The following SYT1 variants were observed in gnomAD, a reference collection of about 807,000 sequenced individuals.
SYT1 encodes the protein synaptotagmin-1.
Under a neutral mutation model 44.8 loss-of-function variants are expected in SYT1, and 8 were observed. The ratio of observed to expected loss-of-function variants is 0.18; its 90% CI spans 0.10 to 0.32. SYT1 has a LOEUF of 0.32. SYT1 is among the 10% of genes least tolerant of loss of function. SYT1 has a pLI of 1.00. For missense variants in SYT1, 286 were observed against 509.3 expected, an observed-to-expected ratio of 0.56 and a Z score of 4.22; for synonymous variants, 154 against 188.8, an observed-to-expected ratio of 0.82 and a Z score of 1.51.
In SYT1 at chr12:78,931,239, G is replaced by GAAAGA. The variant is rs1216203775; in HGVS notation, c.-216-46558_-216-46557insAGAAA. 2.7e-3 allele frequency among the ~76,000 whole-genome samples: 77 copies of GAAAGA among 28,668 alleles called. 2 individuals carry two copies. Among genetic ancestry groups the GAAAGA allele is most frequent in the African/African-American group, 8.1e-3 (47 of 5,816 alleles). 18.8% of individuals were successfully genotyped at this position (28,668 alleles called of 152,430 possible). ...AGAAAGAAAGAAAGAAAGAAAGAAA[G>GAAAGA]AAGGAAGGAAGGAAGGAAGGAAGGA... is the stretch of plus-strand genomic sequence containing the variant. On this transcript the variant is annotated intron_variant, in intron 1 of 10. Coordinates refer to ENST00000261205, the MANE Select transcript of SYT1 (RefSeq NM_005639.3).
At chr12:79,152,853 C>T (rs1366670275) in intron 3 of SYT1, among the ~76,000 whole-genome samples, 1 of 144,970 alleles carries the variant, frequency 6.9e-6, no homozygotes, top group East Asian at 2.0e-4. Flanking sequence ...ACTGATGATG[C>T]TTCATAAAAA....
At chr12:79,256,951 A>G (rs966962538) in intron 4 of SYT1, among the ~76,000 whole-genome samples, 1 of 152,256 alleles carries the variant, frequency 6.6e-6, no homozygotes, top group African/African-American at 2.4e-5. Flanking sequence ...TGTTAACTTC[A>G]GCTCCATTTC....
chr12:79,302,476 C>A (rs961103173), intron 8 of SYT1, among the ~76,000 whole-genome samples: 1 of 152,014 alleles, frequency 6.6e-6, no homozygotes, highest in East Asian at 1.9e-4. Context: ...ACTATTTTAG[C>A]GACCAAATAA....
chr12:79,304,001 A>G (rs181337686), intron 8 of SYT1, among the ~76,000 whole-genome samples: 42 of 152,246 alleles, frequency 2.8e-4, no homozygotes, highest in Non-Finnish European at 2.4e-4. Flanking sequence ...ATGGATGCCA[A>G]TAAGAACCTT....
chr12:78,962,523 G>A (rs1292361578), intron 1 of SYT1, among the ~76,000 whole-genome samples: 2 of 152,024 alleles, frequency 1.3e-5, no homozygotes, highest in Admixed American at 1.3e-4. Flanking sequence ...AATTTGTAAA[G>A]AGATTGGACC....
chr12:79,082,019 A>G (rs973983829), intron 3 of SYT1, among the ~76,000 whole-genome samples: 2 of 152,178 alleles, frequency 1.3e-5, no homozygotes, highest in Non-Finnish European at 2.9e-5. Context: ...ACATACATTG[A>G]CATTAAAACT....
At chr12:79,100,560 GA>G (rs912756403) in intron 3 of SYT1, among the ~76,000 whole-genome samples, 28 of 151,620 alleles carry the variant, frequency 1.8e-4, no homozygotes, top group African/African-American at 4.6e-4. Context: ...AATATACATA[GA>G]AAAAAAAGAC....
At chr12:79,386,895 C>T (rs1884457447) in intron 9 of SYT1, among the ~76,000 whole-genome samples, 1 of 152,284 alleles carries the variant, frequency 6.6e-6, no homozygotes, top group South Asian at 2.1e-4. Flanking sequence ...CCTTATCTTT[C>T]TTGCTTTCTC....
At chr12:79,012,131 C>CAAAAA (rs374383589) in intron 2 of SYT1, among the ~76,000 whole-genome samples, 47 of 73,502 alleles carry the variant, frequency 6.4e-4, no homozygotes, top group African/African-American at 2.1e-3. Context: ...GATTCTGTCT[C>CAAAAA]AAAAAAAAAA....
At chr12:79,088,410 A>G (rs1877531374) in intron 3 of SYT1, among the ~76,000 whole-genome samples, 1 of 152,100 alleles carries the variant, frequency 6.6e-6, no homozygotes, top group African/African-American at 2.4e-5. Flanking sequence ...ATTAGTAGAG[A>G]CATGCCACGC....
intron 1 of SYT1, among the ~76,000 whole-genome samples, chr12:78,897,532 G>A (rs1217672974): frequency 6.6e-6 from 1 of 151,968 alleles, no homozygotes; most frequent in East Asian, 1.9e-4. Flanking sequence ...AGAGACATAT[G>A]TGAGACTTTA....
At chr12:79,088,733 T>A (rs1592737418) in intron 3 of SYT1, among the ~76,000 whole-genome samples, 1 of 146,040 alleles carries the variant, frequency 6.8e-6, no homozygotes, top group East Asian at 2.0e-4. Flanking sequence ...ACAGTGGCTT[T>A]GGGCCTGTGT....
chr12:79,299,349 G>A, intron 7 of SYT1, 35 bp from the exon 8 acceptor site: 24 of 1,604,728 alleles, frequency 1.5e-5, no homozygotes, highest in Non-Finnish European at 2.0e-5. Flanking sequence ...GCATTTTTGT[G>A]ACTGGATATT....
intron 9 of SYT1, among the ~76,000 whole-genome samples, chr12:79,400,658 C>T (rs935339160): frequency 3.9e-5 from 6 of 152,234 alleles, no homozygotes; most frequent in African/African-American, 1.4e-4. Context: ...TGGTGAAACA[C>T]AACATCCGGC....
At position 79,449,019 on chromosome 12, in the gene SYT1, G is replaced by A. The variant is rs770344816; in HGVS notation, c.1164G>A (p.Leu388=). ...GCTACAACAGCACCGGCGCGGAGCTGCGACACTGGTCAGACATGCTGGCCA... is the reference window on the plus strand; with the variant it reads ...GCTACAACAGCACCGGCGCGGAGCTACGACACTGGTCAGACATGCTGGCCA... ...FVGYNSTGAE[L]RHWSDMLANP... The change falls in exon 11 of 11, where the codon CTG becomes CTA. Residue 388 remains leucine (L), a synonymous_variant. Transcript: ENST00000261205. 1.2e-5 allele frequency: 20 copies of A among 1,614,128 alleles called. No homozygotes were observed. The highest frequency in any genetic ancestry group is 1.7e-5 in the Non-Finnish European group (20 of 1,180,044).
chr12:79,376,333 A>G (rs1352674378), intron 9 of SYT1, among the ~76,000 whole-genome samples: 1 of 152,222 alleles, frequency 6.6e-6, no homozygotes, highest in Non-Finnish European at 1.5e-5. Flanking sequence ...TTTCTTGATG[A>G]TATGCTGAAC....
chr12:78,909,511 C>T (rs1003492912), intron 1 of SYT1, among the ~76,000 whole-genome samples: 8 of 151,900 alleles, frequency 5.3e-5, no homozygotes, highest in Admixed American at 2.6e-4. Flanking sequence ...GACATGTATA[C>T]CCCCTTCTAT....
At chr12:78,866,095 T>A (rs1473135994) in intron 1 of SYT1, among the ~76,000 whole-genome samples, 1 of 152,236 alleles carries the variant, frequency 6.6e-6, no homozygotes, top group African/African-American at 2.4e-5. Context: ...TTTGTGTACA[T>A]GTTGATATTC....
chr12:79,444,327 TC>T, intron 10 of SYT1, 121 bp downstream of exon 10: 1 of 1,215,360 alleles, frequency 8.2e-7, no homozygotes, highest in Non-Finnish European at 1.2e-6. Context: ...CCATTCTTTC[TC>T]CCCATGCACA....
Sources: allele counts gnomAD v4.1 joint callset (sites outside exome capture counted in the v4.1 genomes callset), GRCh38; gene constraint gnomAD v4.1.1; transcripts MANE v1.5; gene names NCBI Gene and HGNC (gene_info 2026-07-23, HGNC 2026-07-21).